Variants in ANO3 observed in about 807,000 individuals in gnomAD.
ANO3 encodes anoctamin 3, also known as anoctamin-3.
ANO3 carries 99 observed loss-of-function variants against 144.8 expected under a neutral mutation model. That is an observed-to-expected ratio of 0.68 (90% CI 0.58 to 0.81). ANO3 has a LOEUF of 0.81. Ranked by LOEUF, ANO3 falls within the 30% of genes least tolerant of loss-of-function variation. The pLI is 0.00. For synonymous variants in ANO3, 414 were observed against 392.6 expected (o/e 1.05, Z -0.64); for missense variants, 905 against 1,202.2 (o/e 0.75, Z 3.66).
chr11:26,423,309 C>CTTTTTTTTTTTTTTTTTTTTT (rs142064982), intron 1 of ANO3, among the ~76,000 whole-genome samples: 1 of 135,172 alleles, frequency 7.4e-6, no homozygotes, highest in Non-Finnish European at 1.6e-5. Flanking sequence ...TACCTTTATA[C>CTTTTTTTTTTTTTTTTTTTTT]TTTTTTTTTT....
chr11:26,379,192 C>A (rs2133948035), intron 1 of ANO3, among the ~76,000 whole-genome samples: 1 of 152,186 alleles, frequency 6.6e-6, no homozygotes, highest in East Asian at 1.9e-4. Context: ...CAGGTTTTTA[C>A]AATGAGAAGA....
At chr11:26,203,063 C>T (rs1851729136) in intron 1 of ANO3, among the ~76,000 whole-genome samples, 1 of 152,062 alleles carries the variant, frequency 6.6e-6, no homozygotes, top group Non-Finnish European at 1.5e-5. Flanking sequence ...GCAGTTTAGC[C>T]TTTATTCCTC....
chr11:26,245,802 G>A (rs1449767886), intron 1 of ANO3, among the ~76,000 whole-genome samples: 1 of 152,140 alleles, frequency 6.6e-6, no homozygotes, highest in African/African-American at 2.4e-5. Flanking sequence ...AAGAGAGATG[G>A]GGAAATGTGG....
intron 4 of ANO3, among the ~76,000 whole-genome samples, chr11:26,463,972 A>G (rs1282404647): frequency 6.6e-6 from 1 of 151,804 alleles, no homozygotes; most frequent in Non-Finnish European, 1.5e-5. Context: ...TATTAAGTGC[A>G]GTTTAACACA....
chr11:26,262,143 T>C (rs1366693286), intron 1 of ANO3, among the ~76,000 whole-genome samples: 1 of 152,222 alleles, frequency 6.6e-6, no homozygotes, highest in African/African-American at 2.4e-5. Context: ...CTTATGACAT[T>C]GCCCAGCTTA....
At chr11:26,564,847 T>C in intron 14 of ANO3, among the ~76,000 whole-genome samples, 1 of 144,866 alleles carries the variant, frequency 6.9e-6, no homozygotes, top group East Asian at 2.2e-4. Context: ...TCAAGATTCA[T>C]TGAAAATTGT....
chr11:26,445,378 C>A (rs1481718982), intron 3 of ANO3, among the ~76,000 whole-genome samples: 2 of 152,206 alleles, frequency 1.3e-5, no homozygotes, highest in Non-Finnish European at 2.9e-5. Flanking sequence ...AACAATCACC[C>A]TATTAAAAAA....
At chr11:26,441,073 A>G (rs1290449693) in intron 1 of ANO3, among the ~76,000 whole-genome samples, 1 of 144,498 alleles carries the variant, frequency 6.9e-6, no homozygotes, top group Non-Finnish European at 1.5e-5. Flanking sequence ...CACTAAGCAC[A>G]GGGTTGGTGT....
chr11:26,328,248 C>G (rs939729138), upstream of ANO3, among the ~76,000 whole-genome samples: 15 of 152,016 alleles, frequency 9.9e-5, no homozygotes, highest in Non-Finnish European at 4.4e-5. Flanking sequence ...TCACATGTGG[C>G]CAGAAACCAT....
At chr11:26,392,379 G>A (rs1358958659) in intron 1 of ANO3, among the ~76,000 whole-genome samples, 4 of 151,750 alleles carry the variant, frequency 2.6e-5, no homozygotes, top group Non-Finnish European at 1.5e-5. Flanking sequence ...GACAATATAT[G>A]TAGAGAAAAT....
At chr11:26,304,558 T>G (rs563783911) in intron 1 of ANO3, among the ~76,000 whole-genome samples, 1 of 152,280 alleles carries the variant, frequency 6.6e-6, no homozygotes, top group Non-Finnish European at 1.5e-5. Context: ...TATAGATAAA[T>G]AAATACAATA....
chr11:26,599,590 A>G lies in ANO3; in HGVS notation c.1712A>G (p.Tyr571Cys). ...VITAVFGVVV[Y>C]RLVVMEQFAS... The stretch of plus-strand genomic sequence containing the variant: ...ACTGCAGTGTTTGGAGTTGTGGTGT[A>G]CCGCCTGGTTGTCATGGAACAGTTT... The change falls in exon 17 of 27, where the codon TAC becomes TGC. Residue 571 changes from tyrosine to cysteine, a missense_variant. Tyr to Cys is a radical substitution (Grantham distance 194, BLOSUM62 -2). Around this residue, in one of 4 missense-constraint regions of ANO3, gnomAD observed 597 missense variants for 865.1 expected, o/e 0.69. Transcript: ENST00000256737. 1 of 1,614,104 alleles carries G rather than the reference A, an allele frequency of 6.2e-7. No homozygotes were observed. Among genetic ancestry groups the G allele is most frequent in the Non-Finnish European group, 8.5e-7 (1 of 1,179,994 alleles).
chr11:26,554,948 C>T (rs1369439462), intron 13 of ANO3, among the ~76,000 whole-genome samples: 4 of 152,072 alleles, frequency 2.6e-5, no homozygotes, highest in Non-Finnish European at 4.4e-5. Context: ...GGGATAAAAT[C>T]AATCCCTCTT....
rs1183332896 is a variant in ANO3 at position 26,385,893 on chromosome 11, G to GTGTATATATATATATATATA, written c.46+53573_46+53574insGTATATATATATATATATAT. On this transcript the variant is annotated intron_variant, in intron 1 of 26. Transcript: ENST00000256737. Reference sequence around the variant, plus strand: ...GATTTGTGTGAAGTTCTTTGTGTGTGTATATATATTTATATACATATTTAC... The same window carrying GTGTATATATATATATATATA: ...GATTTGTGTGAAGTTCTTTGTGTGTGTGTATATATATATATATATATATATATATTTATATACATATTTAC... Among the ~76,000 whole-genome samples, 462 of 143,738 alleles carry GTGTATATATATATATATATA rather than the reference G, an allele frequency of 3.2e-3. 6 individuals carry two copies. The highest frequency in any genetic ancestry group is 0.012 in the African/African-American group (445 of 36,868). The allele number at this position is 143,738 out of a possible 152,430, so 94.3% of individuals were successfully genotyped here. A position where few individuals can be genotyped will look rare whatever the true frequency, so the allele number is the denominator to read the frequency against.
At chr11:26,522,957 A>G (rs1378630553) in intron 6 of ANO3, among the ~76,000 whole-genome samples, 1 of 152,206 alleles carries the variant, frequency 6.6e-6, no homozygotes, top group Non-Finnish European at 1.5e-5. Flanking sequence ...GTCCGTTTTC[A>G]TACTGCCATA....
chr11:26,595,457 G>GTTTTTTTTTTTTTTTTTTTTTTTT (rs1411703035), intron 14 of ANO3, among the ~76,000 whole-genome samples: 2 of 67,838 alleles, frequency 2.9e-5, no homozygotes, highest in Non-Finnish European at 5.4e-5. Flanking sequence ...TTGAGATAGA[G>GTTTTTTTTTTTTTTTTTTTTTTTT]TTGTTTTTTT....
Position 26,441,931 on chromosome 11 carries a change from C to T in ANO3, c.60C>T (p.Ser20=), listed in dbSNP as rs1858534848. The change falls in exon 2 of 27, where the codon AGC becomes AGT. Residue 20 remains serine (S), a synonymous_variant. Transcript: ENST00000256737. ...SFKQQKGMNI[S]KSEITKETSL... ...TTGGATTTGCAGGTATGAATATAAG[C>T]AAGAGTGAGATAACAAAAGAAACTT... is the stretch of plus-strand genomic sequence containing the variant. The T allele has an allele frequency of 6.2e-7, 1 of 1,613,276 alleles. No individual in the cohort carries two copies. Among genetic ancestry groups the T allele is most frequent in the Non-Finnish European group, 8.5e-7 (1 of 1,179,694 alleles).
intron 1 of ANO3, among the ~76,000 whole-genome samples, chr11:26,381,135 C>G (rs533200767): frequency 6.6e-6 from 1 of 152,180 alleles, no homozygotes; most frequent in East Asian, 1.9e-4. Flanking sequence ...AAACCAAAGC[C>G]TAATATGTTA....
chr11:26,256,595 T>C (rs1461400), intron 1 of ANO3, among the ~76,000 whole-genome samples: 34,039 of 151,964 alleles, frequency 0.22, 4,522 homozygotes, highest in South Asian at 0.29. Context: ...TTATTACTCC[T>C]ACCCTATGAG....
Sources: allele counts gnomAD v4.1 joint callset (sites outside exome capture counted in the v4.1 genomes callset), GRCh38; gene constraint gnomAD v4.1.1; regional missense constraint gnomAD v4.1.1; transcripts MANE v1.5; gene names NCBI Gene and HGNC (gene_info 2026-07-23, HGNC 2026-07-21).